The following ZBED6 variants were observed in gnomAD, a reference collection of about 807,000 sequenced individuals.
ZBED6 encodes the protein zinc finger BED domain-containing protein 6.
A neutral mutation model predicts 58.4 loss-of-function variants in ZBED6; 40 were observed. The observed-to-expected ratio is 0.68, with a 90% CI of 0.53 to 0.89. ZBED6 has a LOEUF of 0.89. Ranked by LOEUF, ZBED6 falls within the 40% of genes least tolerant of loss-of-function variation. ZBED6 has a pLI of 0.00. For synonymous variants in ZBED6, 439 were observed against 350.6 expected (o/e 1.25, Z -2.82); for missense variants, 1,057 against 1,003.9 (o/e 1.05, Z -0.71).
intron 1 of ZBED6, chr1:203,806,234 T>G: frequency 2.7e-6 from 1 of 364,546 alleles, no homozygotes. Flanking sequence ...AGCGGAGCCT[T>G]AATTTCACTT....
intron 1 of ZBED6, among the ~76,000 whole-genome samples, chr1:203,809,172 GTTT>G (rs33926996): frequency 1.2e-5 from 1 of 83,248 alleles, no homozygotes; most frequent in East Asian, 4.0e-4. Context: ...TCTTCTCACT[GTTT>G]TTTTTTTTTT....
intron 2 of ZBED6, 89 bp from the exon 3 acceptor site, chr1:203,818,481 T>A: frequency 6.4e-7 from 1 of 1,561,416 alleles, no homozygotes; most frequent in Non-Finnish European, 8.7e-7. Context: ...TCATTTGTGC[T>A]TGTCTAAATT....
chr1:203,820,334 C>T (rs923615575), intron 3 of ZBED6, among the ~76,000 whole-genome samples: 3 of 151,862 alleles, frequency 2.0e-5, no homozygotes, highest in African/African-American at 7.3e-5. Flanking sequence ...TCCTGCCTTG[C>T]GTTTCATTGC....
chr1:203,817,213 T>TTA (rs1043148750), intron 2 of ZBED6, 89 bp downstream of exon 2: 2 of 1,122,150 alleles, frequency 1.8e-6, no homozygotes, highest in Non-Finnish European at 2.5e-6. Context: ...GTTGTTTTTA[T>TTA]TATATATATA....
intron 3 of ZBED6, among the ~76,000 whole-genome samples, chr1:203,822,874 C>T (rs749039644): frequency 7.9e-5 from 12 of 152,150 alleles, no homozygotes; most frequent in Non-Finnish European, 1.2e-4. Context: ...GCCTGTCTCC[C>T]TCAACCCCAT....
intron 12 of ZBED6, 123 bp downstream of exon 12, chr1:203,847,810 G>T: frequency 7.2e-7 from 1 of 1,394,812 alleles, no homozygotes; most frequent in Non-Finnish European, 9.7e-7. Context: ...TGAAAACACT[G>T]AATTAAATGA....
chr1:203,810,708 C>T (rs541677181), intron 1 of ZBED6, among the ~76,000 whole-genome samples: 219 of 152,150 alleles, frequency 1.4e-3, no homozygotes, highest in African/African-American at 5.0e-3. Context: ...CGTGAGCCAC[C>T]GCGCCCGGCC....
At chr1:203,831,823 G>T in intron 8 of ZBED6, 52 bp downstream of exon 8, 1 of 1,440,746 alleles carries the variant, frequency 6.9e-7, no homozygotes, top group Non-Finnish European at 9.5e-7. Flanking sequence ...TTATATAATT[G>T]GGAATGCAAA....
chr1:203,819,170 G>T (rs1383978853), intron 3 of ZBED6, among the ~76,000 whole-genome samples: 7 of 146,872 alleles, frequency 4.8e-5, no homozygotes, highest in Non-Finnish European at 1.1e-4. Flanking sequence ...GTGTATATAT[G>T]TGTGTGTATA....
At chr1:203,804,845 G>C (rs564269367) in intron 1 of ZBED6, among the ~76,000 whole-genome samples, 12 of 151,312 alleles carry the variant, frequency 7.9e-5, no homozygotes, top group Admixed American at 2.0e-4. Flanking sequence ...GCTGATTTTT[G>C]TATTTTTAGT....
chr1:203,825,076 C>CAAAA (rs61108073), intron 3 of ZBED6, among the ~76,000 whole-genome samples: 5 of 108,922 alleles, frequency 4.6e-5, no homozygotes, highest in East Asian at 2.6e-4. Flanking sequence ...GACTCCGTCT[C>CAAAA]AAAAAAAAAA....
chr1:203,797,296 T>C (rs1171999442), exon 1 of ZBED6: 8 of 360,480 alleles, frequency 2.2e-5, no homozygotes, highest in African/African-American at 6.4e-5. Flanking sequence ...ACTTAGAAAA[T>C]TGGAAGGGAC....
intron 3 of ZBED6, among the ~76,000 whole-genome samples, chr1:203,827,961 A>G (rs972824360): frequency 6.6e-6 from 1 of 152,262 alleles, no homozygotes; most frequent in Non-Finnish European, 1.5e-5. Flanking sequence ...CACCTGGCCA[A>G]TAAGTAACAT....
intron 3 of ZBED6, among the ~76,000 whole-genome samples, chr1:203,819,089 TACACACACACACAC>T (rs200302232): frequency 1.4e-5 from 2 of 140,956 alleles, no homozygotes; most frequent in Non-Finnish European, 3.0e-5. Context: ...TATATATATA[TACACACACACACAC>T]ACACACACAC....
At chr1:203,850,471 G>T (rs751052997) in intron 14 of ZBED6, 44 bp from the exon 15 acceptor site, 1 of 1,606,662 alleles carries the variant, frequency 6.2e-7, no homozygotes, top group Non-Finnish European at 8.5e-7. Flanking sequence ...CCATTTAAAA[G>T]AGTCTATTCT....
intron 2 of ZBED6, 134 bp downstream of exon 2, chr1:203,817,258 T>C (rs1278965418): frequency 1.6e-6 from 1 of 633,410 alleles, no homozygotes; most frequent in Non-Finnish European, 2.6e-6. Flanking sequence ...CTGTCAGTTT[T>C]TTAAAGGATA....
chr1:203,798,103 G>A, exon 1 of ZBED6: 1 of 1,536,150 alleles, frequency 6.5e-7, no homozygotes, highest in Non-Finnish European at 8.7e-7. Flanking sequence ...GGAGTTGCTA[G>A]TGGAGAGGAG....
intron 1 of ZBED6, chr1:203,806,168 T>A (rs2102525735): frequency 2.0e-6 from 1 of 495,710 alleles, no homozygotes; most frequent in Non-Finnish European, 4.0e-6. Flanking sequence ...CTAGAAATCT[T>A]GTCAGTGGAT....
chr1:203,818,404 T>C (rs1175266141), intron 2 of ZBED6, among the ~76,000 whole-genome samples, 166 bp from the exon 3 acceptor site: 1 of 152,140 alleles, frequency 6.6e-6, no homozygotes, highest in African/African-American at 2.4e-5. Context: ...AGGAAATAAT[T>C]TGTTGCTCTC....
Sources: allele counts gnomAD v4.1 joint callset (sites outside exome capture counted in the v4.1 genomes callset), GRCh38; gene constraint gnomAD v4.1.1; transcripts MANE v1.5; gene names NCBI Gene and HGNC (gene_info 2026-07-23, HGNC 2026-07-21).